The following IST1 variants were observed in gnomAD, a reference collection of about 807,000 sequenced individuals.
The protein encoded by IST1 is IST1 factor associated with ESCRT-III.
In IST1, 23 loss-of-function variants were observed where a neutral mutation model predicts 37.0. That is an observed-to-expected ratio of 0.62 (90% confidence interval 0.45 to 0.88). IST1 has a LOEUF of 0.88. IST1 is among the 40% of genes least tolerant of loss of function. The pLI, the probability that IST1 is intolerant of heterozygous loss-of-function variation, is 0.00. For missense variants in IST1, 488 were observed against 445.4 expected, an observed-to-expected ratio of 1.10 and a Z score of -0.86; for synonymous variants, 180 against 161.7, an observed-to-expected ratio of 1.11 and a Z score of -0.86.
intron 8 of IST1, chr16:71,924,345 C>T (rs1423741210): frequency 1.1e-5 from 4 of 378,446 alleles, no homozygotes; most frequent in African/African-American, 2.1e-5. Flanking sequence ...CGGGGTGGTT[C>T]ACGCCTGTAA....
rs186579067 is a variant in IST1 at position 71,911,344 on chromosome 16, A to T, written c.-15-4282A>T. 1.6e-4 allele frequency among the ~76,000 whole-genome samples: 14 copies of T among 90,220 alleles called. No individual in the cohort carries two copies. The Admixed American group carries it at 1.6e-3, about 10-fold the overall frequency. The allele number at this position is 90,220 out of a possible 152,430, so 59.2% of individuals were successfully genotyped here. On this transcript the variant is annotated intron_variant, in intron 1 of 9. Coordinates refer to ENST00000378799, the MANE Select transcript of IST1 (RefSeq NM_001270975.2). ...TTGTGCTAAAATGTTTTAGAATGCT[A>T]CGTTACCTTTTTTTAAAAAAAACTA... is the stretch of plus-strand genomic sequence containing the variant.
At chr16:71,927,366 G>A (rs1009970595) in intron 9 of IST1, among the ~76,000 whole-genome samples, 5 of 151,932 alleles carry the variant, frequency 3.3e-5, no homozygotes, top group Non-Finnish European at 7.4e-5. Flanking sequence ...GCATGCGCCT[G>A]TAATCCCAGC....
At chr16:71,897,540 G>A (rs541680564) in intron 1 of IST1, among the ~76,000 whole-genome samples, 1 of 152,140 alleles carries the variant, frequency 6.6e-6, no homozygotes, top group African/African-American at 2.4e-5. Flanking sequence ...TGAAAGGGTA[G>A]TATAGTTAGT....
intron 1 of IST1, among the ~76,000 whole-genome samples, chr16:71,896,656 T>C (rs2036978871): frequency 6.6e-6 from 1 of 152,188 alleles, no homozygotes; most frequent in African/African-American, 2.4e-5. Flanking sequence ...TCAGAACTTC[T>C]GGGATAGGGG....
chr16:71,908,036 C>T lies in IST1; in HGVS notation c.-15-7590C>T, dbSNP rs946729927. Among the ~76,000 whole-genome samples, 24 of 152,216 alleles carry T rather than the reference C, an allele frequency of 1.6e-4. 1 individual carries two copies. The highest frequency in any genetic ancestry group is 5.1e-4 in the African/African-American group (21 of 41,560). On this transcript the variant is annotated intron_variant, in intron 1 of 9. Transcript: ENST00000378799. Reference sequence around the variant, plus strand: ...CTCAGTCCACTTCACCGTCCGCCTCCCGGGTTCAAGCAGTTCTCTGCCTCA... The same window carrying T: ...CTCAGTCCACTTCACCGTCCGCCTCTCGGGTTCAAGCAGTTCTCTGCCTCA...
intron 1 of IST1, among the ~76,000 whole-genome samples, chr16:71,904,565 T>C (rs533440062): frequency 6.6e-6 from 1 of 152,280 alleles, no homozygotes; most frequent in South Asian, 2.1e-4. Flanking sequence ...AGGCACATGC[T>C]ACCGTGTCCA....
At chr16:71,920,493 CTGTTT>C (rs1294413405) in intron 4 of IST1, among the ~76,000 whole-genome samples, 1 of 152,188 alleles carries the variant, frequency 6.6e-6, no homozygotes, top group African/African-American at 2.4e-5. Flanking sequence ...AGAACAGTAT[CTGTTT>C]TGTTCATTTT....
chr16:71,922,780 T>A, intron 7 of IST1, 100 bp downstream of exon 7: 1 of 955,924 alleles, frequency 1.0e-6, no homozygotes, highest in Non-Finnish European at 1.6e-6. Flanking sequence ...CAGGAGCCAT[T>A]AGCAGTAAGA....
At chr16:71,919,922 C>T (rs1436549693) in intron 4 of IST1, among the ~76,000 whole-genome samples, 4 of 152,132 alleles carry the variant, frequency 2.6e-5, no homozygotes, top group Admixed American at 1.3e-4. Flanking sequence ...TTTATTTCAG[C>T]AAGGCAATTT....
intron 1 of IST1, among the ~76,000 whole-genome samples, chr16:71,895,875 A>AGTCTTCCTGCCCCGAGGTGT (rs2036955879): frequency 6.6e-6 from 1 of 152,148 alleles, no homozygotes; most frequent in Non-Finnish European, 1.5e-5. Context: ...ACTTTCCCCT[A>AGTCTTCCTGCCCCGAGGTGT]GTCTTCCTGC....
At chr16:71,895,666 T>A in intron 1 of IST1, 77 bp downstream of exon 1, 1 of 548,230 alleles carries the variant, frequency 1.8e-6, no homozygotes, top group Non-Finnish European at 2.3e-6. Context: ...GGTCTCTAGT[T>A]AGCGCTAGGG....
At chr16:71,924,742 C>T (rs1323646440) in intron 8 of IST1, 27 bp from the exon 9 acceptor site, 3 of 1,573,632 alleles carry the variant, frequency 1.9e-6, no homozygotes, top group East Asian at 2.2e-5. Context: ...ATTGCTGTCT[C>T]CTCTGGTAAC....
chr16:71,923,208 C>T (rs972290822), intron 7 of IST1, 80 bp from the exon 8 acceptor site: 3 of 720,066 alleles, frequency 4.2e-6, no homozygotes, highest in Non-Finnish European at 7.2e-6. Context: ...AAATGTATTT[C>T]TTTCTCCCTT....
intron 1 of IST1, among the ~76,000 whole-genome samples, chr16:71,908,608 T>G (rs940102427): frequency 1.3e-5 from 2 of 152,314 alleles, no homozygotes; most frequent in East Asian, 3.9e-4. Context: ...TGCTTTAAAG[T>G]CTTTGTCAGT....
In IST1 at chr16:71,922,745, AAC is replaced by A; in HGVS notation, c.759+70_759+71del. The A allele has an allele frequency of 3.0e-6, 4 of 1,330,478 alleles. No individual in the cohort carries two copies. The South Asian group carries it at 5.0e-5, about 17-fold the overall frequency. 82.4% of individuals were successfully genotyped at this position (1,330,478 alleles called of 1,614,324 possible). On this transcript the variant is annotated intron_variant, in intron 7 of 9. Coordinates refer to ENST00000378799, the MANE Select transcript of IST1 (RefSeq NM_001270975.2). ...TTATAGATAACAAGTTGGCTCTGTG[AAC>A]ACACTCAGGAATCATAGGTTGTCAG...
rs564454490 is a variant in IST1, at chr16:71,924,756, C to T, written c.853-13C>T. 6.3e-7 allele frequency: 1 copy of T among 1,598,466 alleles called. No homozygotes were observed. The highest frequency in any genetic ancestry group is 1.1e-5 in the South Asian group (1 of 90,756). On this transcript the variant is annotated splice_polypyrimidine_tract_variant and intron_variant, in intron 8 of 9. Coordinates refer to ENST00000378799, the MANE Select transcript of IST1 (RefSeq NM_001270975.2). Reference sequence around the variant, plus strand: ...TATTGCTGTCTCCTCTGGTAACAATCTTTGTGTTTCAGGTAGATGACATTA... The same window carrying T: ...TATTGCTGTCTCCTCTGGTAACAATTTTTGTGTTTCAGGTAGATGACATTA...
In IST1 at chr16:71,920,726, T is replaced by C. The variant is rs763618221; in HGVS notation, c.358-13T>C. The C allele has an allele frequency of 8.7e-6, 14 of 1,605,892 alleles. No homozygotes were observed. The highest frequency in any genetic ancestry group is 1.7e-5 in the Admixed American group (1 of 59,936). Reference sequence around the variant, plus strand: ...TGGTCTCTATTTTTATTTGCTGTCCTTTTTCTTTTTAGGTTGCTGATCAGC... The same window carrying C: ...TGGTCTCTATTTTTATTTGCTGTCCCTTTTCTTTTTAGGTTGCTGATCAGC... On this transcript the variant is annotated splice_polypyrimidine_tract_variant and intron_variant, in intron 4 of 9. Coordinates refer to ENST00000378799, the MANE Select transcript of IST1 (RefSeq NM_001270975.2).
chr16:71,922,372 C>G (rs2037613867), intron 6 of IST1, 102 bp from the exon 7 acceptor site: 5 of 931,246 alleles, frequency 5.4e-6, no homozygotes, highest in South Asian at 1.5e-5. Flanking sequence ...CAGAAGCACT[C>G]CAGTAAACTT....
intron 1 of IST1, among the ~76,000 whole-genome samples, chr16:71,899,976 G>A (rs1240439809): frequency 1.5e-5 from 2 of 131,504 alleles, no homozygotes; most frequent in Non-Finnish European, 3.1e-5. Flanking sequence ...TAGCCTCGGC[G>A]ACAGAACAAG....
Sources: gnomAD v4.1 joint callset for allele counts (sites outside exome capture counted in the v4.1 genomes callset) on GRCh38, gnomAD v4.1.1 for gene constraint, MANE v1.5 for transcripts, NCBI Gene and HGNC (gene_info 2026-07-23, HGNC 2026-07-21) for gene names.